HSPA12A: variants seen among roughly 807,000 people sequenced by gnomAD.
HSPA12A encodes the protein heat shock 70 kDa protein 12A.
HSPA12A carries 28 observed loss-of-function variants against 69.2 expected under a neutral mutation model. That is an observed-to-expected ratio of 0.40 (90% CI 0.30 to 0.55). HSPA12A has a LOEUF of 0.55. Ranked by LOEUF, HSPA12A falls within the 20% of genes least tolerant of loss-of-function variation. The pLI, the probability that HSPA12A is intolerant of heterozygous loss-of-function variation, is 0.38. For synonymous variants in HSPA12A, 345 were observed against 370.5 expected, an observed-to-expected ratio of 0.93 and a Z score of 0.79; for missense variants, 686 against 900.7, an observed-to-expected ratio of 0.76 and a Z score of 3.05.
intron 2 of HSPA12A, among the ~76,000 whole-genome samples, chr10:116,825,080 G>T (rs1163240562): frequency 6.6e-6 from 1 of 151,782 alleles, no homozygotes; most frequent in Non-Finnish European, 1.5e-5. Context: ...CCTAGCTACT[G>T]GGGGGCTGTG....
chr10:116,679,649 A>C lies in HSPA12A; in HGVS notation c.1140T>G (p.Val380=), dbSNP rs1471788532. ...QFKIKRPAAW[V]DLMIAFESRK... is the part of the protein sequence containing the mutation. The stretch of plus-strand genomic sequence containing the variant: ...GAGACTCAAACGCAATCATTAAGTC[A>C]ACCCAGGCTGCAGGGCGTTTGATTT... The change falls in exon 10 of 12, where the codon GTT becomes GTG. Residue 380 remains valine, a synonymous_variant. Coordinates refer to ENST00000369209, the MANE Select transcript of HSPA12A (RefSeq NM_025015.3). 2.9e-5 allele frequency: 47 copies of C among 1,614,150 alleles called. No individual in the cohort carries two copies. The highest frequency in any genetic ancestry group is 3.6e-5 in the Non-Finnish European group (42 of 1,180,056).
At chr10:116,819,367 CTT>C (rs1314231350) in intron 2 of HSPA12A, among the ~76,000 whole-genome samples, 1 of 152,188 alleles carries the variant, frequency 6.6e-6, no homozygotes, top group African/African-American at 2.4e-5. Context: ...TGGTCTGAGT[CTT>C]TGTGTCCCTG....
chr10:116,679,754 G>A lies in HSPA12A; in HGVS notation c.1035C>T (p.Pro345=). The change falls in exon 10 of 12, where the codon CCC becomes CCT. Residue 345 remains proline (P), a synonymous_variant. Coordinates refer to ENST00000369209, the MANE Select transcript of HSPA12A (RefSeq NM_025015.3). The part of the protein sequence containing the change: ...LKELYKATGG[P]YGSLGVDYEF... ...CATAATCTACTCCTAAAGATCCATA[G>A]GGTCCGCCTGAATTGAGAACAAAAA... is the stretch of plus-strand genomic sequence containing the variant. The A allele has an allele frequency of 5.0e-6, 8 of 1,612,646 alleles. No homozygotes were observed. Among genetic ancestry groups the A allele is most frequent in the Non-Finnish European group, 5.9e-6 (7 of 1,178,870 alleles).
intron 2 of HSPA12A, among the ~76,000 whole-genome samples, chr10:116,823,906 G>A (rs1845452517): frequency 6.6e-6 from 1 of 151,972 alleles, no homozygotes; most frequent in East Asian, 1.9e-4. Flanking sequence ...TGGCTAAACT[G>A]GACTTAATAA....
At chr10:116,788,854 T>G (rs985385940) in intron 2 of HSPA12A, among the ~76,000 whole-genome samples, 1 of 150,118 alleles carries the variant, frequency 6.7e-6, no homozygotes, top group East Asian at 2.0e-4. Flanking sequence ...TCTGGTAGAA[T>G]TCTACGCAGC....
chr10:116,776,740 C>T (rs961711989), intron 2 of HSPA12A, among the ~76,000 whole-genome samples: 1 of 152,152 alleles, frequency 6.6e-6, no homozygotes, highest in Admixed American at 6.5e-5. Context: ...TTGTTAACTC[C>T]ATATACAATG....
chr10:116,707,395 G>A (rs1850290641), intron 1 of HSPA12A, 110 bp from the exon 2 acceptor site: 3 of 827,516 alleles, frequency 3.6e-6, no homozygotes, highest in African/African-American at 3.4e-5. Flanking sequence ...CCTCTGCAAA[G>A]CCAGCTCACG....
At chr10:116,688,152 G>A (rs3010463) in intron 6 of HSPA12A, among the ~76,000 whole-genome samples, 79,375 of 151,964 alleles carry the variant, frequency 0.52, 21,142 homozygotes, top group Middle Eastern at 0.66. Flanking sequence ...GCAGGATGGT[G>A]GATTTTCTAA....
At chr10:116,681,068 A>C in intron 9 of HSPA12A, 84 bp downstream of exon 9, 1 of 905,420 alleles carries the variant, frequency 1.1e-6, no homozygotes, top group South Asian at 1.4e-5. Flanking sequence ...AAGAGAATAA[A>C]ACTGAGAGTT....
rs1417124852 is a variant in HSPA12A at position 116,769,814 on chromosome 10, T to A, written c.92-62529A>T. On this transcript the variant is annotated intron_variant, in intron 2 of 12. Coordinates refer to the HSPA12A transcript ENST00000635765. ...AAACCCTTCTGAAGCCCCTTTACTC[T>A]CCACAGGTTGGGTTTCCATAGTTGC... Among the ~76,000 whole-genome samples the A allele has an allele frequency of 2.0e-5, 3 of 152,284 alleles. No homozygotes were observed. The East Asian group carries it at 5.8e-4, about 29-fold the overall frequency.
Position 116,715,149 on chromosome 10 carries a change from G to A in HSPA12A, c.41-7864C>T, listed in dbSNP as rs532412008. On this transcript the variant is annotated intron_variant, in intron 1 of 11. Coordinates refer to ENST00000369209, the MANE Select transcript of HSPA12A (RefSeq NM_025015.3). ...AGCTCTGCTGTGCATCAGAACCCCC[G>A]AGGCTTGTTAAAACACAGATTAATG... 3.3e-5 allele frequency among the ~76,000 whole-genome samples: 5 copies of A among 152,282 alleles called. No homozygotes were observed. The East Asian group carries it at 5.8e-4, about 18-fold the overall frequency.
chr10:116,741,305 G>A (rs1303906666), intron 1 of HSPA12A, among the ~76,000 whole-genome samples: 4 of 152,272 alleles, frequency 2.6e-5, no homozygotes, highest in Non-Finnish European at 4.4e-5. Flanking sequence ...GGAACCCAGC[G>A]CAGATGGTGG....
chr10:116,748,100 AAC>A (rs1564807144), intron 2 of HSPA12A, among the ~76,000 whole-genome samples: 1 of 152,234 alleles, frequency 6.6e-6, no homozygotes, highest in African/African-American at 2.4e-5. Flanking sequence ...GCTACGGTCA[AAC>A]TCAGCCCCCT....
At chr10:116,770,577 G>A (rs1844180203) in intron 2 of HSPA12A, among the ~76,000 whole-genome samples, 1 of 152,194 alleles carries the variant, frequency 6.6e-6, no homozygotes, top group Non-Finnish European at 1.5e-5. Flanking sequence ...AAGGTGGGGT[G>A]GGGGTGAGGG....
chr10:116,780,978 A>C (rs1271160835), intron 2 of HSPA12A, among the ~76,000 whole-genome samples: 1 of 152,140 alleles, frequency 6.6e-6, no homozygotes, highest in African/African-American at 2.4e-5. Flanking sequence ...TCCTAGCCCC[A>C]TCCTGGCTGG....
At chr10:116,821,519 T>C (rs1466784680) in intron 2 of HSPA12A, among the ~76,000 whole-genome samples, 1 of 152,228 alleles carries the variant, frequency 6.6e-6, no homozygotes, top group African/African-American at 2.4e-5. Context: ...TTATTTTTTC[T>C]CTATACCATT....
intron 1 of HSPA12A, among the ~76,000 whole-genome samples, chr10:116,836,254 G>T (rs1013358148): frequency 5.9e-5 from 9 of 152,062 alleles, no homozygotes; most frequent in African/African-American, 1.9e-4. Flanking sequence ...CACATTTTCT[G>T]CAGGTGCCTC....
At chr10:116,720,402 C>T (rs963864847) in intron 1 of HSPA12A, among the ~76,000 whole-genome samples, 3 of 152,240 alleles carry the variant, frequency 2.0e-5, no homozygotes, top group African/African-American at 4.8e-5. Context: ...CTCTCCCAGA[C>T]ACCCTGCTCT....
intron 6 of HSPA12A, among the ~76,000 whole-genome samples, chr10:116,684,241 T>G (rs1450124048): frequency 2.0e-5 from 3 of 152,084 alleles, no homozygotes; most frequent in African/African-American, 7.2e-5. Context: ...ACTTGGGGCC[T>G]CCTTGGCTCA....
Sources: allele counts gnomAD v4.1 joint callset (sites outside exome capture counted in the v4.1 genomes callset), GRCh38; gene constraint gnomAD v4.1.1; transcripts MANE v1.5; gene names NCBI Gene and HGNC (gene_info 2026-07-23, HGNC 2026-07-21).